Variants in MEI4 observed in about 807,000 individuals in gnomAD.
MEI4 encodes meiosis-specific protein MEI4.
Under a neutral mutation model 31.4 loss-of-function variants are expected in MEI4, and 27 were observed. The ratio of observed to expected loss-of-function variants is 0.86; its 90% CI spans 0.63 to 1.19. MEI4 has a LOEUF of 1.19. Ranked by LOEUF, MEI4 falls within the 50% of genes most tolerant of loss-of-function variation. The probability of loss-of-function intolerance (pLI) is 0.00; values close to 1 mark genes in which losing one functional copy is unlikely to be tolerated. For synonymous variants in MEI4, 122 were observed against 145.4 expected (o/e 0.84, Z 1.16); for missense variants, 329 against 398.9 (o/e 0.82, Z 1.49).
At position 77,881,081 on chromosome 6, in the gene MEI4, ACTGT is replaced by A. The variant is rs1486113695; in HGVS notation, c.901-42005_901-42002del. Reference sequence around the variant, plus strand: ...TCTAGATTTTTTTCTGTAACTACTTACTGTCTTTTTTTTTTTTTAAAGCCTATGT... The same window carrying A: ...TCTAGATTTTTTTCTGTAACTACTTACTTTTTTTTTTTTTAAAGCCTATGT... On this transcript the variant is annotated intron_variant, in intron 4 of 4. Transcript: ENST00000684080. 4.5e-5 allele frequency among the ~76,000 whole-genome samples: 4 copies of A among 89,464 alleles called. No homozygotes were observed. In the East Asian group the frequency reaches 1.3e-3, roughly 29 times the overall value. The allele number at this position is 89,464 out of a possible 152,430, so 58.7% of individuals were successfully genotyped here.
intron 2 of MEI4, among the ~76,000 whole-genome samples, chr6:77,745,203 G>C (rs527410038): frequency 1.3e-5 from 2 of 152,288 alleles, no homozygotes; most frequent in African/African-American, 4.8e-5. Context: ...AGACCCATCA[G>C]TGTGCTATAT....
At position 77,719,208 on chromosome 6, in the gene MEI4, C is replaced by T. The variant is rs1399388614; in HGVS notation, c.232+28305C>T. 2.8e-5 allele frequency among the ~76,000 whole-genome samples: 4 copies of T among 140,702 alleles called. 1 individual carries two copies. The highest frequency in any genetic ancestry group is 1.4e-4 in the Admixed American group (2 of 14,016). The allele number at this position is 140,702 out of a possible 152,430, so 92.3% of individuals were successfully genotyped here. A position where few individuals can be genotyped will look rare whatever the true frequency, so the allele number is the denominator to read the frequency against. On this transcript the variant is annotated intron_variant, in intron 2 of 4. Transcript: ENST00000684080. ...AATTCATTGTTTTGTAATATCACCGCACTATTGGCCACACATTCTTCCCAA... is the reference window on the plus strand; with the variant it reads ...AATTCATTGTTTTGTAATATCACCGTACTATTGGCCACACATTCTTCCCAA...
chr6:77,734,088 A>T (rs1288598186), intron 2 of MEI4, among the ~76,000 whole-genome samples: 1 of 151,968 alleles, frequency 6.6e-6, no homozygotes, highest in South Asian at 2.1e-4. Flanking sequence ...GTGGTGCTGA[A>T]AAAAATGTAT....
chr6:77,713,079 A>T (rs1467075932), intron 2 of MEI4, among the ~76,000 whole-genome samples: 4 of 152,120 alleles, frequency 2.6e-5, no homozygotes, highest in African/African-American at 4.8e-5. Context: ...AATAAGAAAA[A>T]GTGGCTTTTA....
intron 1 of MEI4, among the ~76,000 whole-genome samples, chr6:77,657,402 A>G (rs1462929148): frequency 6.6e-6 from 1 of 152,206 alleles, no homozygotes; most frequent in Non-Finnish European, 1.5e-5. Context: ...ATCATATTCC[A>G]GTCTTCCATC....
At chr6:77,835,837 A>C (rs7741190) in intron 4 of MEI4, among the ~76,000 whole-genome samples, 5,598 of 152,100 alleles carry the variant, frequency 0.037, 234 homozygotes, top group African/African-American at 0.1. Context: ...AAAATGAATA[A>C]ATTATTTCTG....
chr6:77,906,856 C>T (rs554728594), intron 4 of MEI4, among the ~76,000 whole-genome samples: 5 of 152,194 alleles, frequency 3.3e-5, no homozygotes, highest in African/African-American at 9.6e-5. Context: ...GCTCAGAGTT[C>T]GCTGTAGATG....
At chr6:77,853,853 A>G (rs772559000) in intron 4 of MEI4, among the ~76,000 whole-genome samples, 1 of 152,230 alleles carries the variant, frequency 6.6e-6, no homozygotes, top group Non-Finnish European at 1.5e-5. Flanking sequence ...CATTCTTCAA[A>G]GACTTTACAA....
chr6:77,811,806 A>G (rs1366830435), intron 3 of MEI4, among the ~76,000 whole-genome samples: 1 of 152,048 alleles, frequency 6.6e-6, no homozygotes, highest in African/African-American at 2.4e-5. Context: ...CTTTTGATAC[A>G]TATTAAGAAG....
At chr6:77,873,537 T>C (rs1771251350) in intron 4 of MEI4, among the ~76,000 whole-genome samples, 2 of 152,234 alleles carry the variant, frequency 1.3e-5, no homozygotes, top group Non-Finnish European at 2.9e-5. Flanking sequence ...GCGAAAATTT[T>C]CTCCCATTCT....
At chr6:77,828,151 C>A (rs926056113) in intron 3 of MEI4, among the ~76,000 whole-genome samples, 3 of 151,966 alleles carry the variant, frequency 2.0e-5, no homozygotes, top group Non-Finnish European at 2.9e-5. Context: ...ACAGATATTT[C>A]TCTTCAACTC....
intron 4 of MEI4, among the ~76,000 whole-genome samples, chr6:77,898,187 G>A (rs550791819): frequency 1.3e-5 from 2 of 152,068 alleles, no homozygotes; most frequent in Non-Finnish European, 2.9e-5. Context: ...TGCTTCAGAA[G>A]TTTCAAGCTA....
At chr6:77,920,402 A>T (rs1766676260) in intron 4 of MEI4, among the ~76,000 whole-genome samples, 1 of 152,038 alleles carries the variant, frequency 6.6e-6, no homozygotes, top group African/African-American at 2.4e-5. Context: ...CAAAAACCAC[A>T]TGATTATCTC....
intron 1 of MEI4, among the ~76,000 whole-genome samples, chr6:77,670,595 C>T (rs1768719533): frequency 6.6e-6 from 1 of 152,282 alleles, no homozygotes; most frequent in African/African-American, 2.4e-5. Context: ...GTATGTATCA[C>T]AGCCCCTGAC....
chr6:77,759,337 T>C (rs1001750858), intron 2 of MEI4, among the ~76,000 whole-genome samples: 1 of 152,140 alleles, frequency 6.6e-6, no homozygotes. Context: ...CCATACTCTC[T>C]CTGAATGATT....
At chr6:77,829,464 G>T (rs1165835615) in intron 4 of MEI4, among the ~76,000 whole-genome samples, 2 of 152,054 alleles carry the variant, frequency 1.3e-5, no homozygotes, top group Non-Finnish European at 2.9e-5. Context: ...AAATCATCTG[G>T]CTAGCTTTTA....
chr6:77,809,558 G>T (rs1769522469), intron 3 of MEI4, among the ~76,000 whole-genome samples: 1 of 152,232 alleles, frequency 6.6e-6, no homozygotes, highest in South Asian at 2.1e-4. Flanking sequence ...TCTCAATCTT[G>T]CATGGTTTAC....
intron 3 of MEI4, among the ~76,000 whole-genome samples, chr6:77,801,555 C>T (rs974436137): frequency 5.9e-5 from 9 of 152,026 alleles, no homozygotes; most frequent in East Asian, 1.9e-4. Flanking sequence ...GCTCTTGCTT[C>T]TCTAGTTCTT....
intron 2 of MEI4, among the ~76,000 whole-genome samples, chr6:77,700,237 C>T (rs1232880402): frequency 6.6e-6 from 1 of 152,212 alleles, no homozygotes; most frequent in African/African-American, 2.4e-5. Flanking sequence ...CTGTGGTGGG[C>T]TCCACCCAGT....
Sources: gnomAD v4.1 joint callset for allele counts (sites outside exome capture counted in the v4.1 genomes callset) on GRCh38, gnomAD v4.1.1 for gene constraint, MANE v1.5 for transcripts, NCBI Gene and HGNC (gene_info 2026-07-23, HGNC 2026-07-21) for gene names.